Variants in ITSN1 observed in about 807,000 individuals in gnomAD.
The protein encoded by ITSN1 is intersectin 1.
Under a neutral mutation model 239.8 loss-of-function variants are expected in ITSN1, and 58 were observed. The observed-to-expected ratio is 0.24, with a 90% CI of 0.20 to 0.30. ITSN1 has a LOEUF of 0.30. Among genes scored for constraint, ITSN1 ranks in the 10% least tolerant of loss-of-function variants. The pLI, the probability that ITSN1 is intolerant of heterozygous loss-of-function variation, is 1.00. For missense variants in ITSN1, 1,558 were observed against 2,103.3 expected (o/e 0.74, Z 5.07); for synonymous variants, 780 against 770.8 (o/e 1.01, Z -0.20).
At chr21:33,718,956 A>G (rs564875898) in intron 2 of ITSN1, 100 bp downstream of exon 2, 23 of 903,738 alleles carry the variant, frequency 2.5e-5, no homozygotes, top group East Asian at 5.1e-5. Context: ...AGAAAATAAT[A>G]TAATCAGCAT....
chr21:33,813,242 G>C (rs927680637), intron 21 of ITSN1, among the ~76,000 whole-genome samples: 1 of 151,904 alleles, frequency 6.6e-6, no homozygotes, highest in Non-Finnish European at 1.5e-5. Flanking sequence ...GTGCAGTGGC[G>C]TGATCTCAGC....
At chr21:33,843,511 G>T (rs1338607938) in intron 29 of ITSN1, among the ~76,000 whole-genome samples, 1 of 152,236 alleles carries the variant, frequency 6.6e-6, no homozygotes, top group Non-Finnish European at 1.5e-5. Context: ...AACATGTGCT[G>T]CTGTAGCTTC....
At chr21:33,808,078 T>G (rs1030989980) in intron 20 of ITSN1, among the ~76,000 whole-genome samples, 15 of 151,748 alleles carry the variant, frequency 9.9e-5, no homozygotes, top group African/African-American at 3.1e-4. Flanking sequence ...TCCCAGCTAC[T>G]CGGGAGGCTG....
Position 33,886,455 on chromosome 21 carries a change from C to T in ITSN1, c.5012C>T (p.Pro1671Leu). Residue 1671 changes from proline (P) to leucine (L), a missense_variant, in exon 39 of 40, where the codon CCA (proline) becomes CTA (leucine). Coordinates refer to ENST00000381318, the MANE Select transcript of ITSN1 (RefSeq NM_003024.3). ...ITVFERDQFS[P>L]DDFLGRTEIR... is the part of the protein sequence containing the mutation. ...GTGTTCGAGAGGGACCAGTTCTCACCAGATGGTGAGTGGAACGCGGCCCTG... is the reference window on the plus strand; with the variant it reads ...GTGTTCGAGAGGGACCAGTTCTCACTAGATGGTGAGTGGAACGCGGCCCTG... 6.3e-7 allele frequency: 1 copy of T among 1,576,860 alleles called. No homozygotes were observed. The highest frequency in any genetic ancestry group is 8.6e-7 in the Non-Finnish European group (1 of 1,161,162).
chr21:33,873,896 C>T (rs1216225913), intron 33 of ITSN1, among the ~76,000 whole-genome samples: 2 of 150,766 alleles, frequency 1.3e-5, no homozygotes, highest in African/African-American at 2.4e-5. Flanking sequence ...TGCGGTGGCT[C>T]GCGCCTGTAA....
chr21:33,739,740 A>T (rs1369500156), intron 5 of ITSN1, among the ~76,000 whole-genome samples: 1 of 152,178 alleles, frequency 6.6e-6, no homozygotes, highest in East Asian at 1.9e-4. Context: ...CCTAAGGCAA[A>T]AACTAGCTTG....
At chr21:33,866,043 G>C (rs1419522330) in intron 32 of ITSN1, among the ~76,000 whole-genome samples, 1 of 152,238 alleles carries the variant, frequency 6.6e-6, no homozygotes, top group African/African-American at 2.4e-5. Context: ...TGTGAAACAG[G>C]TATCTTTTGA....
intron 12 of ITSN1, among the ~76,000 whole-genome samples, chr21:33,772,733 G>A (rs1184120824): frequency 6.6e-6 from 1 of 151,856 alleles, no homozygotes; most frequent in South Asian, 2.1e-4. Flanking sequence ...TCGTTATATG[G>A]GTATACCACA....
At chr21:33,805,581 A>G (rs1476736287) in intron 20 of ITSN1, among the ~76,000 whole-genome samples, 1 of 152,152 alleles carries the variant, frequency 6.6e-6, no homozygotes, top group Non-Finnish European at 1.5e-5. Context: ...TCATTCACAT[A>G]TTGTGTGCTA....
rs2148585727 is a variant in ITSN1, at chr21:33,892,601, G to T, written c.*4301G>T. 6.6e-6 allele frequency: 1 copy of T among 152,302 alleles called. No individual in the cohort carries two copies. Among genetic ancestry groups the T allele is most frequent in the Admixed American group, 6.5e-5 (1 of 15,298 alleles). 9.4% of individuals were successfully genotyped at this position (152,302 alleles called of 1,614,324 possible). On this transcript the variant is annotated 3_prime_UTR_variant, in exon 40 of 40. Transcript: ENST00000381318. ...GGATCTCAGGGACAGAAACAGGCTTGTATTAAGTATGAGTGGCAGGTACTT... is the reference window on the plus strand; with the variant it reads ...GGATCTCAGGGACAGAAACAGGCTTTTATTAAGTATGAGTGGCAGGTACTT...
Position 33,799,952 on chromosome 21 carries a change from G to T in ITSN1, c.2304+23G>T, listed in dbSNP as rs778811030. On this transcript the variant is annotated intron_variant, in intron 19 of 39. Transcript: ENST00000381318. Reference sequence around the variant, plus strand: ...ATGGTAAGAAAGACTCCAGTGAGAGGGTCATTTCTGTTGAAGATTAGCCTC... The same window carrying T: ...ATGGTAAGAAAGACTCCAGTGAGAGTGTCATTTCTGTTGAAGATTAGCCTC... 7.5e-6 allele frequency: 12 copies of T among 1,604,568 alleles called. No individual in the cohort carries two copies. In the East Asian group the frequency reaches 2.0e-4, roughly 27 times the overall value.
chr21:33,797,320 C>T lies in ITSN1; in HGVS notation c.1953-59C>T. On this transcript the variant is annotated intron_variant, in intron 17 of 39. Transcript: ENST00000381318. This position sits in a 1 kb window ranked among gnomAD's most constrained non-coding sequence, Gnocchi z 4.9. ...ATGGAGCTTTTTTTGTGAAAAGAGG[C>T]AACAGTAGTGTTAACTTAGAGTTGC... 6.9e-7 allele frequency: 1 copy of T among 1,447,678 alleles called. No individual in the cohort carries two copies. The highest frequency in any genetic ancestry group is 1.2e-5 in the South Asian group (1 of 86,142). 89.7% of individuals were successfully genotyped at this position (1,447,678 alleles called of 1,614,324 possible).
At chr21:33,703,083 C>CTGTGTGTGTGTG (rs10529613) in intron 1 of ITSN1, among the ~76,000 whole-genome samples, 14 of 145,600 alleles carry the variant, frequency 9.6e-5, no homozygotes, top group African/African-American at 3.3e-4. Flanking sequence ...GAGACTCTGT[C>CTGTGTGTGTGTG]TGTGTGTGTG....
chr21:33,881,876 G>C (rs1984979461), intron 34 of ITSN1, among the ~76,000 whole-genome samples: 2 of 150,702 alleles, frequency 1.3e-5, no homozygotes, highest in African/African-American at 4.9e-5. Flanking sequence ...GAACCTGGGA[G>C]GTCAAGGCTA....
chr21:33,765,780 G>T, intron 9 of ITSN1, 95 bp from the exon 10 acceptor site: 1 of 1,312,900 alleles, frequency 7.6e-7, no homozygotes, highest in Non-Finnish European at 1.1e-6. Context: ...GTTGGCCTGT[G>T]GTCAATAAGA....
In ITSN1 at chr21:33,761,927, C is replaced by T. The variant is rs199921142; in HGVS notation, c.729C>T (p.Pro243=). 4.9e-5 allele frequency: 79 copies of T among 1,613,182 alleles called. No homozygotes were observed. The highest frequency in any genetic ancestry group is 6.5e-5 in the Non-Finnish European group (77 of 1,179,220). Residue 243 remains proline (P), a synonymous_variant, in exon 9 of 40, where the codon CCC becomes CCT. Coordinates refer to ENST00000381318, the MANE Select transcript of ITSN1 (RefSeq NM_003024.3). ...DKTMSGHLTG[P]QARTILMQSS... ...CTTTTCCTGGTTCCTGTTTAGGTCCCCAAGCAAGAACTATTCTTATGCAGT... is the reference window on the plus strand; with the variant it reads ...CTTTTCCTGGTTCCTGTTTAGGTCCTCAAGCAAGAACTATTCTTATGCAGT...
chr21:33,648,688 T>C (rs2088206591), intron 1 of ITSN1, among the ~76,000 whole-genome samples: 2 of 151,912 alleles, frequency 1.3e-5, no homozygotes, highest in Non-Finnish European at 2.9e-5. Flanking sequence ...AAAAATTTTT[T>C]AAAAAGTAGC....
chr21:33,651,033 G>A (rs1205331624), intron 1 of ITSN1, among the ~76,000 whole-genome samples: 2 of 152,260 alleles, frequency 1.3e-5, no homozygotes, highest in South Asian at 4.1e-4. Flanking sequence ...GTGTATCGCT[G>A]TTGTCCAGGG....
At chr21:33,879,819 A>G (rs1241863327) in intron 34 of ITSN1, among the ~76,000 whole-genome samples, 1 of 152,124 alleles carries the variant, frequency 6.6e-6, no homozygotes, top group South Asian at 2.1e-4. Context: ...AGCTGGAACT[A>G]TAGGGGCCCA....
Sources: allele counts gnomAD v4.1 joint callset (sites outside exome capture counted in the v4.1 genomes callset), GRCh38; gene constraint gnomAD v4.1.1; non-coding constraint Gnocchi (gnomAD v3.1); transcripts MANE v1.5; gene names NCBI Gene and HGNC (gene_info 2026-07-23, HGNC 2026-07-21).